The following ITFG1 variants were observed in gnomAD, a reference collection of about 807,000 sequenced individuals.
The protein encoded by ITFG1 is T-cell immunomodulatory protein.
In ITFG1, 34 loss-of-function variants were observed where a neutral mutation model predicts 81.8. That is an observed-to-expected ratio of 0.42 (90% CI 0.32 to 0.55). ITFG1 has a LOEUF of 0.55. Among genes scored for constraint, ITFG1 ranks in the 20% least tolerant of loss-of-function variants. ITFG1 has a pLI of 0.17. For missense variants in ITFG1, 672 were observed against 755.4 expected, an observed-to-expected ratio of 0.89 and a Z score of 1.29; for synonymous variants, 285 against 270.6, an observed-to-expected ratio of 1.05 and a Z score of -0.52.
chr16:47,334,706 C>T (rs1458935046), intron 8 of ITFG1, among the ~76,000 whole-genome samples: 2 of 152,094 alleles, frequency 1.3e-5, no homozygotes, highest in African/African-American at 4.8e-5. Flanking sequence ...CCTTCCCCAC[C>T]CTGAGTTATA....
intron 3 of ITFG1, 37 bp downstream of exon 3, chr16:47,453,976 C>T: frequency 7.6e-7 from 1 of 1,314,520 alleles, no homozygotes. Flanking sequence ...CCTTCATATT[C>T]AATGATAAAT....
At chr16:47,273,778 ATTAG>A (rs1298859331) in intron 10 of ITFG1, among the ~76,000 whole-genome samples, 1 of 151,626 alleles carries the variant, frequency 6.6e-6, no homozygotes, top group Non-Finnish European at 1.5e-5. Context: ...AAAAGAATCT[ATTAG>A]TTTGTTTGTT....
At chr16:47,261,456 T>C (rs1391014289) in intron 10 of ITFG1, among the ~76,000 whole-genome samples, 2 of 152,182 alleles carry the variant, frequency 1.3e-5, no homozygotes, top group Non-Finnish European at 1.5e-5. Flanking sequence ...AATGAAAGTG[T>C]TTATATTATC....
intron 7 of ITFG1, 39 bp from the exon 8 acceptor site, chr16:47,365,908 T>G (rs1468707698): frequency 9.6e-7 from 1 of 1,040,594 alleles, no homozygotes; most frequent in Admixed American, 1.8e-5. Flanking sequence ...ACCATCTTAA[T>G]CCACTCATTT....
intron 13 of ITFG1, 139 bp downstream of exon 13, chr16:47,237,826 T>G: frequency 1.8e-6 from 1 of 551,392 alleles, no homozygotes; most frequent in Non-Finnish European, 3.2e-6. Flanking sequence ...TTCAGCACAG[T>G]TTTCTTGAGT....
At chr16:47,409,729 T>A (rs1373077208) in intron 6 of ITFG1, among the ~76,000 whole-genome samples, 4 of 150,750 alleles carry the variant, frequency 2.7e-5, no homozygotes. Flanking sequence ...ACAAAAAAAA[T>A]TTTAAAACTT....
At chr16:47,194,934 C>A (rs533237170) in intron 14 of ITFG1, among the ~76,000 whole-genome samples, 1 of 152,144 alleles carries the variant, frequency 6.6e-6, no homozygotes, top group African/African-American at 2.4e-5. Flanking sequence ...TTCAGAGCAA[C>A]CCACTGTGGA....
In ITFG1 at chr16:47,372,040, G is replaced by A. The variant is rs1379820079; in HGVS notation, c.720+3836C>T. ...GCCATTCTCCTACCTCAGCCCCCCA[G>A]TAGCTGGGACTACAGGCGCCCGCCA... On this transcript the variant is annotated intron_variant, in intron 7 of 17. Coordinates refer to ENST00000320640, the MANE Select transcript of ITFG1 (RefSeq NM_030790.5). Among the ~76,000 whole-genome samples the A allele has an allele frequency of 5.9e-5, 9 of 151,718 alleles. 1 individual carries two copies. Among genetic ancestry groups the A allele is most frequent in the South Asian group, 2.1e-4 (1 of 4,790 alleles).
intron 5 of ITFG1, chr16:47,449,755 T>C (rs927778363): frequency 6.6e-6 from 1 of 151,956 alleles, no homozygotes; most frequent in Non-Finnish European, 1.5e-5. Flanking sequence ...AACTTGTTCA[T>C]GAAGCAGAGA....
At chr16:47,185,940 C>T (rs1439388688) in intron 14 of ITFG1, among the ~76,000 whole-genome samples, 1 of 152,164 alleles carries the variant, frequency 6.6e-6, no homozygotes, top group East Asian at 1.9e-4. Context: ...CACCACCGAT[C>T]CCACAGAAAT....
At chr16:47,371,005 T>C (rs1464529200) in intron 7 of ITFG1, among the ~76,000 whole-genome samples, 1 of 152,236 alleles carries the variant, frequency 6.6e-6, no homozygotes, top group Non-Finnish European at 1.5e-5. Flanking sequence ...ATCCTTTGAC[T>C]GCAGCATTTC....
intron 10 of ITFG1, among the ~76,000 whole-genome samples, chr16:47,270,987 T>C (rs773873586): frequency 2.6e-5 from 4 of 152,350 alleles, no homozygotes; most frequent in South Asian, 2.1e-4. Flanking sequence ...TGATATTTTA[T>C]AGATGCATTT....
intron 5 of ITFG1, among the ~76,000 whole-genome samples, chr16:47,440,711 C>G (rs1271322944): frequency 2.0e-5 from 3 of 151,890 alleles, no homozygotes; most frequent in Non-Finnish European, 4.4e-5. Flanking sequence ...ATTTATAGCA[C>G]TAAATGCCCA....
At chr16:47,408,086 T>C (rs1968752190) in intron 6 of ITFG1, among the ~76,000 whole-genome samples, 2 of 152,218 alleles carry the variant, frequency 1.3e-5, no homozygotes, top group African/African-American at 4.8e-5. Flanking sequence ...TTTAAAATTT[T>C]CAATACAGAA....
At position 47,355,456 on chromosome 16, in the gene ITFG1, G is replaced by A. The variant is rs183370686; in HGVS notation, c.802+10332C>T. ...TAAGACTGGCAGAATACTTTCTGGT[G>A]TTCTACTGCACAGTAGGGTGACTAT... On this transcript the variant is annotated intron_variant, in intron 8 of 17. Coordinates refer to ENST00000320640, the MANE Select transcript of ITFG1 (RefSeq NM_030790.5). 1.7e-3 allele frequency among the ~76,000 whole-genome samples: 256 copies of A among 152,258 alleles called. 1 individual carries two copies. The highest frequency in any genetic ancestry group is 8.7e-3 in the Admixed American group (133 of 15,286).
intron 6 of ITFG1, among the ~76,000 whole-genome samples, chr16:47,420,170 T>A (rs1968926636): frequency 6.6e-6 from 1 of 152,156 alleles, no homozygotes; most frequent in African/African-American, 2.4e-5. Flanking sequence ...TGTCATTGAT[T>A]TCTAGTTGTA....
intron 12 of ITFG1, among the ~76,000 whole-genome samples, chr16:47,242,113 G>A (rs1006983463): frequency 2.0e-5 from 3 of 151,796 alleles, no homozygotes; most frequent in East Asian, 1.9e-4. Context: ...GTCATGATGC[G>A]GTATGTGAAT....
intron 14 of ITFG1, among the ~76,000 whole-genome samples, chr16:47,192,587 C>G (rs1048913579): frequency 3.9e-5 from 6 of 152,126 alleles, no homozygotes; most frequent in Admixed American, 6.5e-5. Flanking sequence ...TCTTGTCCCC[C>G]CAACCACCCA....
chr16:47,289,394 C>T (rs907432202), intron 10 of ITFG1, among the ~76,000 whole-genome samples: 2 of 152,098 alleles, frequency 1.3e-5, no homozygotes, highest in Non-Finnish European at 2.9e-5. Flanking sequence ...TTTCCACCTC[C>T]TAAATTTTCT....
Sources: allele counts gnomAD v4.1 joint callset (sites outside exome capture counted in the v4.1 genomes callset), GRCh38; gene constraint gnomAD v4.1.1; transcripts MANE v1.5; gene names NCBI Gene and HGNC (gene_info 2026-07-23, HGNC 2026-07-21).